The following SMG1 variants were observed in gnomAD, a reference collection of about 807,000 sequenced individuals.
SMG1 encodes SMG1 nonsense mediated mRNA decay associated PI3K related kinase.
Under a neutral mutation model 419.9 loss-of-function variants are expected in SMG1, and 22 were observed. That is an observed-to-expected ratio of 0.05 (90% CI 0.04 to 0.07). The LOEUF (loss-of-function observed/expected upper bound fraction) is 0.07. Ranked by LOEUF, SMG1 falls within the 10% of genes least tolerant of loss-of-function variation. SMG1 has a pLI of 1.00. For synonymous variants in SMG1, 1,538 were observed against 1,553.5 expected (o/e 0.99, Z 0.23); for missense variants, 3,185 against 4,342.0 (o/e 0.73, Z 7.49).
intron 62 of SMG1, 26 bp from the exon 63 acceptor site, chr16:18,809,672 T>C: frequency 6.6e-7 from 1 of 1,513,404 alleles, no homozygotes; most frequent in Non-Finnish European, 9.1e-7. Flanking sequence ...GGATAGTATG[T>C]AAAGTCATTT....
chr16:18,845,287 T>A (rs1406759115), intron 39 of SMG1, 142 bp downstream of exon 39: 1 of 663,026 alleles, frequency 1.5e-6, no homozygotes, highest in African/African-American at 1.8e-5. Context: ...CTATGTTCCT[T>A]ATAAGCAACT....
At position 18,868,990 on chromosome 16, in the gene SMG1, T is replaced by C. The variant is rs1411383634; in HGVS notation, c.2833+114A>G. 9 of 904,720 alleles carry C rather than the reference T, an allele frequency of 9.9e-6. No homozygotes were observed. The highest frequency in any genetic ancestry group is 5.1e-5 in the African/African-American group (3 of 59,302). The allele number at this position is 904,720 out of a possible 1,614,324, so 56.0% of individuals were successfully genotyped here. ...TTCTAACAAACATACCTGAAAATTA[T>C]TGACTTTTTTCAAAAAAATCATATA... On this transcript the variant is annotated intron_variant, in intron 20 of 62. Transcript: ENST00000446231.
At chr16:18,896,436 GA>G in intron 2 of SMG1, among the ~76,000 whole-genome samples, 1 of 152,222 alleles carries the variant, frequency 6.6e-6, no homozygotes, top group African/African-American at 2.4e-5. Flanking sequence ...GCAAAGAAAT[GA>G]AAACTAAATT....
chr16:18,820,475 A>G (rs1304358205), intron 55 of SMG1, among the ~76,000 whole-genome samples: 3 of 152,214 alleles, frequency 2.0e-5, no homozygotes, highest in Non-Finnish European at 4.4e-5. Context: ...AAGTGCTGGG[A>G]TTATAGGCAT....
chr16:18,886,064 T>C (rs1291943972), intron 6 of SMG1, among the ~76,000 whole-genome samples: 2 of 152,186 alleles, frequency 1.3e-5, no homozygotes, highest in Non-Finnish European at 2.9e-5. Context: ...TATTAGTCCT[T>C]TGACATCAGT....
chr16:18,857,885 T>C, intron 29 of SMG1: 1 of 204,126 alleles, frequency 4.9e-6, no homozygotes, highest in Non-Finnish European at 1.0e-5. Flanking sequence ...GAACATGTTG[T>C]TATGATTTCA....
At chr16:18,841,367 C>T (rs188427334) in intron 41 of SMG1, among the ~76,000 whole-genome samples, 198 bp downstream of exon 41, 1 of 142,372 alleles carries the variant, frequency 7.0e-6, no homozygotes, top group East Asian at 2.0e-4. Flanking sequence ...CACTGCACTC[C>T]AGCATGGGCG....
Position 18,807,750 on chromosome 16 carries a change from T to G in SMG1, c.*1819A>C, listed in dbSNP as rs1031913933. 6.6e-6 allele frequency: 1 copy of G among 150,466 alleles called. No homozygotes were observed. The highest frequency in any genetic ancestry group is 2.4e-5 in the African/African-American group (1 of 40,934). 9.3% of individuals were successfully genotyped at this position (150,466 alleles called of 1,614,324 possible). On this transcript the variant is annotated 3_prime_UTR_variant, in exon 63 of 63. Transcript: ENST00000446231. Reference sequence around the variant, plus strand: ...TGCAGGGAAAATGTACTCAAACAATTTTTTTTTTTATCTAGTCATTTATTT... The same window carrying G: ...TGCAGGGAAAATGTACTCAAACAATGTTTTTTTTTATCTAGTCATTTATTT...
chr16:18,861,779 C>A lies in SMG1; in HGVS notation c.3696-1003G>T, dbSNP rs200308843. Among the ~76,000 whole-genome samples, 17 of 152,148 alleles carry A rather than the reference C, an allele frequency of 1.1e-4. No individual in the cohort carries two copies. In the East Asian group the frequency reaches 2.1e-3, roughly 19 times the overall value. On this transcript the variant is annotated intron_variant, in intron 25 of 62. Transcript: ENST00000446231. The stretch of plus-strand genomic sequence containing the variant: ...CTATGCTTTCAGCTAATGACTCAGT[C>A]CTCAGAAAAACAAACAAATAAACAA...
At chr16:18,894,710 A>G (rs540769714) in intron 3 of SMG1, among the ~76,000 whole-genome samples, 112 of 151,908 alleles carry the variant, frequency 7.4e-4, no homozygotes, top group Non-Finnish European at 1.4e-3. Flanking sequence ...CAAAAACTAA[A>G]TGTCCAAAAA....
intron 2 of SMG1, 41 bp from the exon 3 acceptor site, chr16:18,896,248 C>T (rs760833233): frequency 1.1e-4 from 135 of 1,266,280 alleles, no homozygotes; most frequent in Non-Finnish European, 1.4e-4. Context: ...TATGATTGTT[C>T]GTTTCATTCA....
chr16:18,868,443 A>G, intron 21 of SMG1, 80 bp downstream of exon 21: 1 of 1,494,000 alleles, frequency 6.7e-7, no homozygotes, highest in Non-Finnish European at 9.1e-7. Context: ...ACACAAGTCT[A>G]CTGTGATTTC....
At chr16:18,831,383 ACAAAGTTTGTTACC>A (rs1462280371) in intron 51 of SMG1, among the ~76,000 whole-genome samples, 1 of 152,200 alleles carries the variant, frequency 6.6e-6, no homozygotes, top group African/African-American at 2.4e-5. Flanking sequence ...AGATCCAGGC[ACAAAGTTTGTTACC>A]CAAAGTACAC....
chr16:18,828,969 G>T (rs1670074098), intron 54 of SMG1, among the ~76,000 whole-genome samples: 1 of 150,564 alleles, frequency 6.6e-6, no homozygotes, highest in African/African-American at 2.4e-5. Flanking sequence ...TTGCACTCCA[G>T]TCTGGGCAAG....
intron 57 of SMG1, among the ~76,000 whole-genome samples, chr16:18,816,745 GGCTT>G (rs1469931669): frequency 2.0e-5 from 3 of 152,154 alleles, no homozygotes; most frequent in African/African-American, 7.2e-5. Context: ...TAATCATGCA[GGCTT>G]TAAATGCTTA....
intron 19 of SMG1, among the ~76,000 whole-genome samples, chr16:18,869,635 C>G (rs2035705366): frequency 6.6e-6 from 1 of 151,536 alleles, no homozygotes; most frequent in Non-Finnish European, 1.5e-5. Context: ...TAACTGTTAA[C>G]CACATTTCAT....
At chr16:18,851,821 G>A (rs573057335) in intron 33 of SMG1, among the ~76,000 whole-genome samples, 1 of 152,260 alleles carries the variant, frequency 6.6e-6, no homozygotes, top group African/African-American at 2.4e-5. Flanking sequence ...GGGATTACAG[G>A]TGTGAGCCAC....
In SMG1 at chr16:18,883,349, C is replaced by G. The variant is rs374585181; in HGVS notation, c.1119+721G>C. ...CCACAAAAGCTGGCTAAAGCCAAGG[C>G]TTGTCCTCCAAAGTACGATTCAAGA... On this transcript the variant is annotated intron_variant, in intron 9 of 62. Transcript: ENST00000446231. Among the ~76,000 whole-genome samples, 14 of 152,320 alleles carry G rather than the reference C, an allele frequency of 9.2e-5. No individual in the cohort carries two copies. The East Asian group carries it at 1.2e-3, about 13-fold the overall frequency.
At position 18,819,668 on chromosome 16, in the gene SMG1, C is replaced by G. The variant is rs1445818930; in HGVS notation, c.9742-14G>C. 1.3e-6 allele frequency: 2 copies of G among 1,537,414 alleles called. No individual in the cohort carries two copies. The highest frequency in any genetic ancestry group is 2.3e-5 in the East Asian group (1 of 42,844). On this transcript the variant is annotated splice_polypyrimidine_tract_variant and intron_variant, in intron 55 of 62. Transcript: ENST00000446231. ...AGCTAGCTTCTCCTATAAAAGCCAG[C>G]AGAATCTTGGTGAAGGTATATGACA...
Sources: allele counts gnomAD v4.1 joint callset (sites outside exome capture counted in the v4.1 genomes callset), GRCh38; gene constraint gnomAD v4.1.1; transcripts MANE v1.5; gene names NCBI Gene and HGNC (gene_info 2026-07-23, HGNC 2026-07-21).